The following PDCD6IP variants were observed in gnomAD, a reference collection of about 807,000 sequenced individuals.
PDCD6IP encodes the protein programmed cell death 6 interacting protein.
A neutral mutation model predicts 103.7 loss-of-function variants in PDCD6IP; 43 were observed. That is an observed-to-expected ratio of 0.41 (90% confidence interval 0.32 to 0.53). The LOEUF (loss-of-function observed/expected upper bound fraction) is 0.53. Ranked by LOEUF, PDCD6IP falls within the 20% of genes least tolerant of loss-of-function variation. PDCD6IP has a pLI of 0.16. For missense variants in PDCD6IP, 871 were observed against 1,036.7 expected, an observed-to-expected ratio of 0.84 and a Z score of 2.20; for synonymous variants, 354 against 378.7, an observed-to-expected ratio of 0.93 and a Z score of 0.76.
intron 1 of PDCD6IP, among the ~76,000 whole-genome samples, chr3:33,811,635 C>G (rs1264286754): frequency 6.6e-6 from 1 of 152,176 alleles, no homozygotes; most frequent in African/African-American, 2.4e-5. Context: ...ACAGTGGTAG[C>G]TTTGATGTGC....
chr3:33,828,051 C>G (rs1296999886), intron 6 of PDCD6IP: 2 of 152,034 alleles, frequency 1.3e-5, no homozygotes, highest in African/African-American at 4.8e-5. Context: ...TCATATACTT[C>G]CTAAAAGCAG....
chr3:33,824,518 A>G (rs892118788), intron 4 of PDCD6IP, among the ~76,000 whole-genome samples: 5 of 152,228 alleles, frequency 3.3e-5, no homozygotes, highest in Middle Eastern at 3.4e-3. Context: ...TCAGCCTCCC[A>G]AAGTGCCGGG....
intron 6 of PDCD6IP, chr3:33,826,977 T>C (rs540016485): frequency 1.0e-6 from 1 of 994,286 alleles, no homozygotes; most frequent in Non-Finnish European, 1.2e-6. Context: ...AAGATGAGCC[T>C]TAAAGCGCAA....
intron 1 of PDCD6IP, chr3:33,799,151 G>C (rs1454331309): frequency 1.7e-6 from 1 of 583,912 alleles, no homozygotes; most frequent in Admixed American, 3.0e-5. Context: ...CTGCACGTCT[G>C]CTCTAGCCCT....
chr3:33,822,247 C>T (rs1331840024), intron 4 of PDCD6IP, among the ~76,000 whole-genome samples, 165 bp downstream of exon 4: 4 of 152,336 alleles, frequency 2.6e-5, no homozygotes, highest in Middle Eastern at 3.4e-3. Context: ...CTTAGATAAA[C>T]TGTCTATAGA....
chr3:33,826,957 T>C, intron 6 of PDCD6IP: 1 of 997,580 alleles, frequency 1.0e-6, no homozygotes, highest in Non-Finnish European at 1.2e-6. Flanking sequence ...ATTATTGTCC[T>C]GTTTTCTTAA....
chr3:33,813,600 T>G lies in PDCD6IP; in HGVS notation c.306T>G (p.Gly102=), dbSNP rs770243824. ...TFTWKDAFDK[G]SLFGGSVKLA... is the part of the protein sequence containing the mutation. ...CCTGGAAGGATGCTTTCGATAAAGG[T>G]TCACTTTTTGGAGGCTCTGTAAAAC... Residue 102 remains glycine (G), a synonymous_variant, in exon 3 of 18, where the codon GGT becomes GGG. Transcript: ENST00000307296. The G allele has an allele frequency of 6.2e-7, 1 of 1,609,276 alleles. No individual in the cohort carries two copies.
intron 1 of PDCD6IP, among the ~76,000 whole-genome samples, chr3:33,811,591 T>C (rs932557004): frequency 1.3e-5 from 2 of 152,152 alleles, no homozygotes; most frequent in Non-Finnish European, 2.9e-5. Context: ...GATGGAGAGG[T>C]TGTCTAGGAA....
At chr3:33,861,295 C>T (rs1442529516) in intron 15 of PDCD6IP, among the ~76,000 whole-genome samples, 1 of 152,108 alleles carries the variant, frequency 6.6e-6, no homozygotes, top group Non-Finnish European at 1.5e-5. Context: ...AAGCGCCCAC[C>T]ACCAAGCCCA....
intron 1 of PDCD6IP, among the ~76,000 whole-genome samples, chr3:33,801,162 CAA>C (rs1014333632): frequency 2.8e-4 from 43 of 152,096 alleles, no homozygotes; most frequent in African/African-American, 9.9e-4. Flanking sequence ...GAGGTAGGTA[CAA>C]AAGTTTTGTA....
intron 1 of PDCD6IP, among the ~76,000 whole-genome samples, chr3:33,803,787 A>G (rs1696531164): frequency 6.6e-6 from 1 of 151,960 alleles, no homozygotes; most frequent in Non-Finnish European, 1.5e-5. Flanking sequence ...TGCCCTTGTC[A>G]TTCATTTTTT....
At chr3:33,836,571 T>A (rs1271476302) in intron 8 of PDCD6IP, among the ~76,000 whole-genome samples, 1 of 152,000 alleles carries the variant, frequency 6.6e-6, no homozygotes, top group African/African-American at 2.4e-5. Flanking sequence ...AATAAACAAA[T>A]ATGGCTGGAT....
intron 2 of PDCD6IP, 69 bp from the exon 3 acceptor site, chr3:33,813,490 A>G (rs1696762790): frequency 1.0e-6 from 1 of 958,220 alleles, no homozygotes; most frequent in East Asian, 2.5e-5. Flanking sequence ...TTTTTCTTCA[A>G]AGAAGACTTA....
chr3:33,845,280 G>A (rs903661588), intron 11 of PDCD6IP, 139 bp from the exon 12 acceptor site: 6 of 509,330 alleles, frequency 1.2e-5, no homozygotes, highest in Non-Finnish European at 2.1e-5. Flanking sequence ...GTCAGGAGCT[G>A]TTTTTATTAT....
intron 1 of PDCD6IP, 192 bp downstream of exon 1, chr3:33,799,129 C>A (rs1696408478): frequency 8.2e-6 from 5 of 611,030 alleles, no homozygotes; most frequent in South Asian, 2.1e-5. Flanking sequence ...TGTGACTGCC[C>A]GCTTGTCCTG....
chr3:33,825,258 C>T lies in PDCD6IP; in HGVS notation c.534C>T (p.Asp178=). 1 of 1,613,538 alleles carries T rather than the reference C, an allele frequency of 6.2e-7. No individual in the cohort carries two copies. The highest frequency in any genetic ancestry group is 1.1e-5 in the South Asian group (1 of 91,000). ...LSALSREPTV[D]ISPDTVGTLS... is the part of the protein sequence containing the mutation. Reference sequence around the variant, plus strand: ...CCTTAAGTCGAGAGCCGACCGTGGACATATCTCCAGATACTGTTGGGACCC... The same window carrying T: ...CCTTAAGTCGAGAGCCGACCGTGGATATATCTCCAGATACTGTTGGGACCC... Residue 178 remains aspartate, a synonymous_variant, in exon 5 of 18, where the codon GAC becomes GAT. Transcript: ENST00000307296.
At chr3:33,848,172 A>G (rs1697635053) in intron 12 of PDCD6IP, among the ~76,000 whole-genome samples, 2 of 152,084 alleles carry the variant, frequency 1.3e-5, no homozygotes, top group African/African-American at 2.4e-5. Context: ...CTGTTTGTTT[A>G]TTTATTTACT....
chr3:33,854,017 T>G lies in PDCD6IP; in HGVS notation c.2025+4T>G. ...TAATTTGAAGGAAGGCACAAAGGTA[T>G]GAAGTACATGCAAAAGGAACCATAG... On this transcript the variant is annotated splice_donor_region_variant and intron_variant, in intron 14 of 17. Transcript: ENST00000307296. 1 of 1,573,384 alleles carries G rather than the reference T, an allele frequency of 6.4e-7. No homozygotes were observed. The highest frequency in any genetic ancestry group is 8.6e-7 in the Non-Finnish European group (1 of 1,166,712).
rs1698119638 is a variant in PDCD6IP at position 33,868,659 on chromosome 3, C to G, written c.*2134C>G. 6.6e-6 allele frequency: 1 copy of G among 152,170 alleles called. No homozygotes were observed. The highest frequency in any genetic ancestry group is 1.5e-5 in the Non-Finnish European group (1 of 68,046). The allele number at this position is 152,170 out of a possible 1,614,324, so 9.4% of individuals were successfully genotyped here. A position where few individuals can be genotyped will look rare whatever the true frequency, so the allele number is the denominator to read the frequency against. On this transcript the variant is annotated 3_prime_UTR_variant, in exon 18 of 18. Transcript: ENST00000307296. ...CCCTTTATTACTGTTAAGGATCATA[C>G]TGTTGGTTTGGAGTTGGAAGGGTAC...
Sources: allele counts gnomAD v4.1 joint callset (sites outside exome capture counted in the v4.1 genomes callset), GRCh38; gene constraint gnomAD v4.1.1; transcripts MANE v1.5; gene names NCBI Gene and HGNC (gene_info 2026-07-23, HGNC 2026-07-21).